The following GALNTL6 variants were observed in gnomAD, a reference collection of about 807,000 sequenced individuals.
GALNTL6 encodes polypeptide N-acetylgalactosaminyltransferase like 6.
Under a neutral mutation model 73.7 loss-of-function variants are expected in GALNTL6, and 46 were observed. The ratio of observed to expected loss-of-function variants is 0.62; its 90% confidence interval spans 0.49 to 0.80. GALNTL6 has a LOEUF of 0.80. GALNTL6 is among the 30% of genes least tolerant of loss of function. GALNTL6 has a pLI of 0.00. For synonymous variants in GALNTL6, 259 were observed against 263.7 expected, an observed-to-expected ratio of 0.98 and a Z score of 0.17; for missense variants, 604 against 755.0, an observed-to-expected ratio of 0.80 and a Z score of 2.34.
chr4:172,335,458 G>A (rs1436601651), intron 4 of GALNTL6, among the ~76,000 whole-genome samples: 2 of 152,154 alleles, frequency 1.3e-5, no homozygotes, highest in Non-Finnish European at 2.9e-5. Context: ...AGCTCGCTTT[G>A]TAGAATGAGT....
At chr4:171,971,330 C>T (rs562864286) in intron 2 of GALNTL6, among the ~76,000 whole-genome samples, 3 of 152,280 alleles carry the variant, frequency 2.0e-5, no homozygotes, top group South Asian at 2.1e-4. Flanking sequence ...GACTTGACTT[C>T]GCTACGGACT....
chr4:171,977,478 T>C (rs899055680), intron 2 of GALNTL6, among the ~76,000 whole-genome samples: 1 of 152,152 alleles, frequency 6.6e-6, no homozygotes, highest in Non-Finnish European at 1.5e-5. Context: ...CCTCACTCCT[T>C]GGGGTGTAGA....
intron 5 of GALNTL6, among the ~76,000 whole-genome samples, chr4:172,504,358 T>C (rs540705196): frequency 1.9e-5 from 1 of 52,346 alleles, no homozygotes; most frequent in African/African-American, 4.8e-5. Flanking sequence ...CAGCCCACAC[T>C]TCCTACCTGC....
intron 5 of GALNTL6, among the ~76,000 whole-genome samples, chr4:172,447,473 A>G (rs899494030): frequency 6.6e-6 from 1 of 152,170 alleles, no homozygotes; most frequent in African/African-American, 2.4e-5. Context: ...CCCCATACTT[A>G]CAGAAGGGGT....
intron 2 of GALNTL6, among the ~76,000 whole-genome samples, chr4:172,088,289 T>C (rs1732107045): frequency 6.6e-6 from 1 of 152,212 alleles, no homozygotes; most frequent in Admixed American, 6.5e-5. Flanking sequence ...CTAAGATTAT[T>C]AGCCCTCTTC....
intron 7 of GALNTL6, among the ~76,000 whole-genome samples, chr4:172,818,552 G>A (rs1741740227): frequency 6.6e-6 from 1 of 152,126 alleles, no homozygotes; most frequent in Non-Finnish European, 1.5e-5. Context: ...TTTCCAAAAT[G>A]CTTAAAATAA....
intron 2 of GALNTL6, among the ~76,000 whole-genome samples, chr4:172,040,878 T>C (rs1439308358): frequency 6.6e-6 from 1 of 152,110 alleles, no homozygotes; most frequent in Non-Finnish European, 1.5e-5. Flanking sequence ...GACTTGCAAC[T>C]GCACAATATA....
chr4:172,526,278 C>G (rs1734949366), intron 5 of GALNTL6, among the ~76,000 whole-genome samples: 1 of 152,196 alleles, frequency 6.6e-6, no homozygotes, highest in African/African-American at 2.4e-5. Flanking sequence ...GGTGACCTCA[C>G]TAAAACCATT....
At chr4:172,372,141 A>G (rs1220605100) in intron 5 of GALNTL6, among the ~76,000 whole-genome samples, 1 of 152,158 alleles carries the variant, frequency 6.6e-6, no homozygotes, top group Non-Finnish European at 1.5e-5. Context: ...TTCGTATCCT[A>G]TTCTCCACAA....
chr4:173,005,667 G>A (rs1369821783), intron 10 of GALNTL6, among the ~76,000 whole-genome samples: 1 of 152,190 alleles, frequency 6.6e-6, no homozygotes, highest in African/African-American at 2.4e-5. Flanking sequence ...GAAGCAGGTG[G>A]ACAGGTAAGA....
At chr4:172,429,170 G>T (rs373705166) in intron 5 of GALNTL6, among the ~76,000 whole-genome samples, 15 of 53,200 alleles carry the variant, frequency 2.8e-4, no homozygotes, top group Non-Finnish European at 1.5e-4. Flanking sequence ...ATTTTATTTT[G>T]TTTTATTATT....
intron 7 of GALNTL6, among the ~76,000 whole-genome samples, chr4:172,869,315 A>G (rs1193905876): frequency 6.6e-6 from 1 of 152,252 alleles, no homozygotes; most frequent in East Asian, 1.9e-4. Flanking sequence ...AACAGTAAGG[A>G]AACTGATATA....
chr4:172,399,398 G>T (rs1370383213), intron 5 of GALNTL6, among the ~76,000 whole-genome samples: 2 of 151,866 alleles, frequency 1.3e-5, no homozygotes, highest in East Asian at 3.9e-4. Context: ...AGAGTAAACA[G>T]AACACTGCAT....
At chr4:172,443,714 T>C (rs1204578432) in intron 5 of GALNTL6, among the ~76,000 whole-genome samples, 8 of 152,216 alleles carry the variant, frequency 5.3e-5, no homozygotes, top group African/African-American at 1.7e-4. Context: ...TGTTTTATGC[T>C]ATTTTTAGTA....
At chr4:172,484,342 C>T (rs554333717) in intron 5 of GALNTL6, among the ~76,000 whole-genome samples, 34 of 152,036 alleles carry the variant, frequency 2.2e-4, no homozygotes, top group Non-Finnish European at 4.6e-4. Context: ...AAACAGACCA[C>T]TTTTATAATA....
In GALNTL6 at chr4:171,991,948, T is replaced by C. The variant is rs1740349354; in HGVS notation, c.138+177230T>C. ...CCATAAAATGAACATTATTAACAACTAATACAAGACCAGCTCTTGAGTAGA... is the reference window on the plus strand; with the variant it reads ...CCATAAAATGAACATTATTAACAACCAATACAAGACCAGCTCTTGAGTAGA... On this transcript the variant is annotated intron_variant, in intron 2 of 12. Coordinates refer to ENST00000506823, the MANE Select transcript of GALNTL6 (RefSeq NM_001034845.3). Among the ~76,000 whole-genome samples the C allele has an allele frequency of 2.0e-5, 3 of 151,808 alleles. 1 individual carries two copies. Among genetic ancestry groups the C allele is most frequent in the African/African-American group, 7.2e-5 (3 of 41,400 alleles).
intron 5 of GALNTL6, among the ~76,000 whole-genome samples, chr4:172,402,696 G>A (rs894693808): frequency 6.6e-6 from 1 of 151,936 alleles, no homozygotes; most frequent in Admixed American, 6.6e-5. Context: ...CCTTAACACG[G>A]TAAGACTACA....
Position 172,303,228 on chromosome 4 carries a change from G to C in GALNTL6, c.248-8386G>C, listed in dbSNP as rs1287854418. On this transcript the variant is annotated intron_variant, in intron 3 of 12. Coordinates refer to ENST00000506823, the MANE Select transcript of GALNTL6 (RefSeq NM_001034845.3). ...TTGGCCAGGCTGGTCTTGAACTCCT[G>C]ACCTTGTGATCCACCTGTCTCAGCC... Among the ~76,000 whole-genome samples the C allele has an allele frequency of 2.0e-5, 3 of 152,078 alleles. No individual in the cohort carries two copies. In the East Asian group the frequency reaches 5.8e-4, roughly 29 times the overall value.
At chr4:172,224,846 A>C (rs1049973056) in intron 2 of GALNTL6, among the ~76,000 whole-genome samples, 2 of 152,118 alleles carry the variant, frequency 1.3e-5, no homozygotes, top group Non-Finnish European at 2.9e-5. Context: ...TTATCCTTGG[A>C]AATAGTTTCT....
Sources: gnomAD v4.1 joint callset for allele counts (sites outside exome capture counted in the v4.1 genomes callset) on GRCh38, gnomAD v4.1.1 for gene constraint, MANE v1.5 for transcripts, NCBI Gene and HGNC (gene_info 2026-07-23, HGNC 2026-07-21) for gene names.